Variants in IKZF3 observed in about 807,000 individuals in gnomAD.
IKZF3 encodes IKAROS family zinc finger 3, also known as zinc finger protein Aiolos.
IKZF3 carries 10 observed loss-of-function variants against 49.0 expected under a neutral mutation model. The ratio of observed to expected loss-of-function variants is 0.20; its 90% CI spans 0.13 to 0.35. The LOEUF (loss-of-function observed/expected upper bound fraction) is 0.35, where lower values mean the gene tolerates loss of function less well. Ranked by LOEUF, IKZF3 falls within the 10% of genes least tolerant of loss-of-function variation. The pLI, the probability that IKZF3 is intolerant of heterozygous loss-of-function variation, is 1.00. For synonymous variants in IKZF3, 209 were observed against 228.2 expected, an observed-to-expected ratio of 0.92 and a Z score of 0.76; for missense variants, 498 against 664.8, an observed-to-expected ratio of 0.75 and a Z score of 2.76.
intron 4 of IKZF3, among the ~76,000 whole-genome samples, chr17:39,792,028 G>A (rs2061038133): frequency 6.6e-6 from 1 of 151,662 alleles, no homozygotes; most frequent in Non-Finnish European, 1.5e-5. Context: ...AGAATAGCTG[G>A]GACTACCAGT....
intron 7 of IKZF3, among the ~76,000 whole-genome samples, chr17:39,774,637 G>T (rs1387459384): frequency 6.6e-6 from 1 of 152,092 alleles, no homozygotes; most frequent in Admixed American, 6.6e-5. Context: ...TCAAACAAAA[G>T]TTTAGGATAT....
chr17:39,825,152 A>G (rs2061924251), intron 3 of IKZF3, among the ~76,000 whole-genome samples: 1 of 152,142 alleles, frequency 6.6e-6, no homozygotes, highest in African/African-American at 2.4e-5. Flanking sequence ...TTCTTTATAA[A>G]TTGCCCAATC....
rs1286462130 is a variant in IKZF3, at chr17:39,764,853, T to C, written c.*937A>G. The C allele has an allele frequency of 6.6e-6, 1 of 152,344 alleles. No homozygotes were observed. Among genetic ancestry groups the C allele is most frequent in the Non-Finnish European group, 1.5e-5 (1 of 68,052 alleles). The allele number at this position is 152,344 out of a possible 1,614,324, so 9.4% of individuals were successfully genotyped here. A position where few individuals can be genotyped will look rare whatever the true frequency, so the allele number is the denominator to read the frequency against. ...AGCCATACTTTTTGGACTTTTTTTGTGGAAAATATCATTGGCAAATTTGCT... is the reference window on the plus strand; with the variant it reads ...AGCCATACTTTTTGGACTTTTTTTGCGGAAAATATCATTGGCAAATTTGCT... On this transcript the variant is annotated 3_prime_UTR_variant, in exon 8 of 8. Coordinates refer to ENST00000346872, the MANE Select transcript of IKZF3 (RefSeq NM_012481.5).
rs937735085 is a variant in IKZF3 at position 39,772,878 on chromosome 17, C to A, written c.826+4773G>T. 1.3e-4 allele frequency among the ~76,000 whole-genome samples: 20 copies of A among 152,096 alleles called. 2 individuals are homozygous for A. The highest frequency in any genetic ancestry group is 1.2e-3 in the Admixed American group (19 of 15,262). ...TCTTGCTCTGTTGCCCAAGCTGGTG[C>A]GATCTCGGCTTACTGCAACTTCTGC... On this transcript the variant is annotated intron_variant, in intron 7 of 7. Transcript: ENST00000346872.
chr17:39,854,916 A>G (rs2062994580), intron 1 of IKZF3, among the ~76,000 whole-genome samples: 1 of 152,182 alleles, frequency 6.6e-6, no homozygotes, highest in African/African-American at 2.4e-5. Context: ...GTCCAACCAA[A>G]AAATATTTAA....
intron 7 of IKZF3, among the ~76,000 whole-genome samples, chr17:39,771,158 C>A (rs1191580767): frequency 6.6e-6 from 1 of 152,196 alleles, no homozygotes; most frequent in Non-Finnish European, 1.5e-5. Context: ...TGCTACCTTG[C>A]CCATGGCTGC....
At chr17:39,779,192 G>A (rs767195570) in intron 6 of IKZF3, among the ~76,000 whole-genome samples, 1 of 152,192 alleles carries the variant, frequency 6.6e-6, no homozygotes, top group South Asian at 2.1e-4. Flanking sequence ...CAGGCACGGT[G>A]GCTCACGTCT....
chr17:39,786,236 T>A (rs1173948293), intron 6 of IKZF3, among the ~76,000 whole-genome samples: 2 of 152,194 alleles, frequency 1.3e-5, no homozygotes, highest in Non-Finnish European at 2.9e-5. Context: ...TTTTGAAAAT[T>A]AAAAAATATG....
Position 39,793,042 on chromosome 17 carries a change from C to T in IKZF3, c.164-109G>A, listed in dbSNP as rs1046015353. ...ACAATTAAATACCAATCGAAGCTAA[C>T]AAAACACTGTACATCTACAAAACAA... On this transcript the variant is annotated intron_variant, in intron 3 of 7. Coordinates refer to ENST00000346872, the MANE Select transcript of IKZF3 (RefSeq NM_012481.5). 28 of 1,078,518 alleles carry T rather than the reference C, an allele frequency of 2.6e-5. No homozygotes were observed. The African/African-American group carries it at 4.1e-4, about 16-fold the overall frequency. 66.8% of individuals were successfully genotyped at this position (1,078,518 alleles called of 1,614,324 possible). A position where few individuals can be genotyped will look rare whatever the true frequency, so the allele number is the denominator to read the frequency against.
chr17:39,790,598 A>T (rs1235410022), intron 5 of IKZF3, among the ~76,000 whole-genome samples: 10 of 152,214 alleles, frequency 6.6e-5, no homozygotes, highest in Non-Finnish European at 5.9e-5. Context: ...CATCAAGAAC[A>T]TGAGGTCCCA....
intron 3 of IKZF3, among the ~76,000 whole-genome samples, chr17:39,818,405 ACT>A (rs2061726333): frequency 6.6e-6 from 1 of 152,102 alleles, no homozygotes; most frequent in African/African-American, 2.4e-5. Context: ...ATAATTGTTG[ACT>A]CTCTCTCAAA....
Position 39,792,904 on chromosome 17 carries a change from T to A in IKZF3, c.193A>T (p.Ser65Cys). The A allele has an allele frequency of 6.2e-7, 1 of 1,613,838 alleles. No homozygotes were observed. The highest frequency in any genetic ancestry group is 8.5e-7 in the Non-Finnish European group (1 of 1,179,878). Residue 65 changes from serine (S) to cysteine (C), a missense_variant, in exon 4 of 8, where the codon AGT (serine) becomes TGT (cysteine). Physicochemically the swap from Ser to Cys is moderately radical, Grantham distance 112. Transcript: ENST00000346872. The part of the protein sequence containing the change: ...DDSMKVKDEY[S>C]ERDENVLKSE... ...TTTAAAACATTCTCATCTCTTTCAC[T>A]GTATTCATCTTTCACTTTCATTGAA...
intron 3 of IKZF3, among the ~76,000 whole-genome samples, chr17:39,820,367 T>TTAA (rs2061776907): frequency 6.6e-6 from 1 of 152,186 alleles, no homozygotes; most frequent in South Asian, 2.1e-4. Flanking sequence ...GTGAGCAATA[T>TTAA]TAATGTGAAT....
chr17:39,845,847 A>ATC (rs2062614540), intron 1 of IKZF3, among the ~76,000 whole-genome samples: 1 of 152,230 alleles, frequency 6.6e-6, no homozygotes, highest in African/African-American at 2.4e-5. Flanking sequence ...AAAGCACTTT[A>ATC]CAAATGTCAC....
intron 1 of IKZF3, among the ~76,000 whole-genome samples, chr17:39,845,785 T>C (rs1314623032): frequency 6.6e-6 from 1 of 152,202 alleles, no homozygotes; most frequent in Admixed American, 6.5e-5. Flanking sequence ...GTTGCGGTTT[T>C]CACTGACGCA....
At chr17:39,814,222 G>C (rs2061627842) in intron 3 of IKZF3, among the ~76,000 whole-genome samples, 2 of 151,552 alleles carry the variant, frequency 1.3e-5, no homozygotes, top group South Asian at 2.1e-4. Flanking sequence ...TTTGATCTAA[G>C]CATCTACACT....
Position 39,835,712 on chromosome 17 carries a change from C to T in IKZF3, c.8-3561G>A, listed in dbSNP as rs562827340. The stretch of plus-strand genomic sequence containing the variant: ...AGATCTGGGACTGGAGCTCCCAGAT[C>T]TCCTCTTCATACAGCTGCCTGAGGA... On this transcript the variant is annotated intron_variant, in intron 1 of 7. Transcript: ENST00000346872. The T allele has an allele frequency of 4.8e-5, 24 of 496,348 alleles. 1 individual carries two copies. The Admixed American group carries it at 5.3e-4, about 11-fold the overall frequency. 30.7% of individuals were successfully genotyped at this position (496,348 alleles called of 1,614,324 possible).
At position 39,762,434 on chromosome 17, in the gene IKZF3, A is replaced by G. The variant is rs1358439246; in HGVS notation, c.*3356T>C. 6.6e-6 allele frequency: 1 copy of G among 152,256 alleles called. No homozygotes were observed. Among genetic ancestry groups the G allele is most frequent in the Non-Finnish European group, 1.5e-5 (1 of 68,042 alleles). 9.4% of individuals were successfully genotyped at this position (152,256 alleles called of 1,614,324 possible). ...TCTAGGCTCAGAATGCCACAAAGAAAGTGCCTTTGTGAGTGGTCACCTTAC... is the reference window on the plus strand; with the variant it reads ...TCTAGGCTCAGAATGCCACAAAGAAGGTGCCTTTGTGAGTGGTCACCTTAC... On this transcript the variant is annotated 3_prime_UTR_variant, in exon 8 of 8. Transcript: ENST00000346872.
rs2060140224 is a variant in IKZF3 at position 39,759,868 on chromosome 17, C to G, written c.*5922G>C. 6.6e-6 allele frequency: 1 copy of G among 152,178 alleles called. No individual in the cohort carries two copies. Among genetic ancestry groups the G allele is most frequent in the African/African-American group, 2.4e-5 (1 of 41,438 alleles). The allele number at this position is 152,178 out of a possible 1,614,324, so 9.4% of individuals were successfully genotyped here. A position where few individuals can be genotyped will look rare whatever the true frequency, so the allele number is the denominator to read the frequency against. ...TCCCATTCTCTAAAAGATGAGGTATCACTATATATCGGGTTTTTTTCTTCT... is the reference window on the plus strand; with the variant it reads ...TCCCATTCTCTAAAAGATGAGGTATGACTATATATCGGGTTTTTTTCTTCT... On this transcript the variant is annotated 3_prime_UTR_variant, in exon 8 of 8. Transcript: ENST00000346872.
Sources: allele counts gnomAD v4.1 joint callset (sites outside exome capture counted in the v4.1 genomes callset), GRCh38; gene constraint gnomAD v4.1.1; transcripts MANE v1.5; gene names NCBI Gene and HGNC (gene_info 2026-07-23, HGNC 2026-07-21).